AUTS2: variants seen among roughly 807,000 people sequenced by gnomAD.
AUTS2 encodes the protein autism susceptibility gene 2 protein.
Under a neutral mutation model 112.4 loss-of-function variants are expected in AUTS2, and 17 were observed. The ratio of observed to expected loss-of-function variants is 0.15; its 90% CI spans 0.10 to 0.23. The LOEUF (loss-of-function observed/expected upper bound fraction) is 0.23, where lower values mean the gene tolerates loss of function less well. Among genes scored for constraint, AUTS2 ranks in the 10% least tolerant of loss-of-function variants. AUTS2 has a pLI of 1.00. For missense variants in AUTS2, 1,510 were observed against 1,701.6 expected, an observed-to-expected ratio of 0.89 and a Z score of 1.98; for synonymous variants, 751 against 702.7, an observed-to-expected ratio of 1.07 and a Z score of -1.09.
chr7:69,753,554 A>G (rs1787828502), intron 1 of AUTS2, among the ~76,000 whole-genome samples: 1 of 152,104 alleles, frequency 6.6e-6, no homozygotes, highest in African/African-American at 2.4e-5. Context: ...GTCTTCCTGA[A>G]GTTTCCTGTC....
intron 1 of AUTS2, among the ~76,000 whole-genome samples, chr7:69,699,351 T>A (rs1797700354): frequency 6.6e-6 from 1 of 152,172 alleles, no homozygotes; most frequent in South Asian, 2.1e-4. Flanking sequence ...ACATCTTTTG[T>A]AATTTCTTAA....
intron 1 of AUTS2, among the ~76,000 whole-genome samples, chr7:69,609,497 T>G (rs1169859699): frequency 6.6e-6 from 1 of 152,178 alleles, no homozygotes; most frequent in Non-Finnish European, 1.5e-5. Flanking sequence ...AATATTAGGG[T>G]GGTTTCTCAT....
chr7:70,626,486 A>G (rs553299324), intron 5 of AUTS2, among the ~76,000 whole-genome samples: 1 of 152,064 alleles, frequency 6.6e-6, no homozygotes, highest in East Asian at 1.9e-4. Context: ...ACAATGAAAT[A>G]TATTTTTTAA....
At chr7:69,601,301 T>G (rs1792393120) in intron 1 of AUTS2, among the ~76,000 whole-genome samples, 1 of 152,180 alleles carries the variant, frequency 6.6e-6, no homozygotes, top group South Asian at 2.1e-4. Context: ...TTCCATTTTT[T>G]TTTTTGCGTT....
chr7:70,071,213 G>A lies in AUTS2; in HGVS notation c.523-46919G>A, dbSNP rs138173002. ...AATTCTGACTAGAAGCTCTCCCAGG[G>A]TCATCATATGAATGAGTAACTTACT... On this transcript the variant is annotated intron_variant, in intron 2 of 18. Transcript: ENST00000342771. Among the ~76,000 whole-genome samples the A allele has an allele frequency of 1.7e-4, 26 of 152,242 alleles. No individual in the cohort carries two copies. The East Asian group carries it at 4.1e-3, about 24-fold the overall frequency.
At chr7:70,344,960 A>G (rs1015857751) in intron 4 of AUTS2, among the ~76,000 whole-genome samples, 1 of 152,176 alleles carries the variant, frequency 6.6e-6, no homozygotes, top group Non-Finnish European at 1.5e-5. Flanking sequence ...TACTTGTCTC[A>G]GATAAGTAGA....
rs570961427 is a variant in AUTS2, at chr7:70,118,038, G to A, written c.523-94G>A. 5.8e-5 allele frequency: 82 copies of A among 1,412,166 alleles called. No individual in the cohort carries two copies. In the African/African-American group the frequency reaches 6.5e-4, roughly 11 times the overall value. 87.5% of individuals were successfully genotyped at this position (1,412,166 alleles called of 1,614,324 possible). A position where few individuals can be genotyped will look rare whatever the true frequency, so the allele number is the denominator to read the frequency against. On this transcript the variant is annotated intron_variant, in intron 2 of 18. Coordinates refer to ENST00000342771, the MANE Select transcript of AUTS2 (RefSeq NM_015570.4). ...GCTGGGATTACAGGCGTGAGCCACC[G>A]TGCCTGGCTGTTCACTCTTGACAAG... is the stretch of plus-strand genomic sequence containing the variant.
At chr7:69,820,268 A>G (rs1016731700) in intron 1 of AUTS2, among the ~76,000 whole-genome samples, 49 of 152,358 alleles carry the variant, frequency 3.2e-4, no homozygotes, top group African/African-American at 1.1e-3. Context: ...GCTTTGTGAA[A>G]TACAAAATAA....
intron 4 of AUTS2, chr7:70,290,334 T>G: frequency 6.8e-7 from 1 of 1,463,044 alleles, no homozygotes; most frequent in Non-Finnish European, 9.0e-7. Context: ...AACATTCTTT[T>G]GAATCATTTG....
At chr7:70,360,536 A>G (rs551493779) in intron 4 of AUTS2, among the ~76,000 whole-genome samples, 2 of 152,200 alleles carry the variant, frequency 1.3e-5, no homozygotes, top group Non-Finnish European at 2.9e-5. Flanking sequence ...ACACACTAGA[A>G]GACAACAATA....
In AUTS2 at chr7:69,926,453, A is replaced by G. The variant is rs867665090; in HGVS notation, c.522+26955A>G. Among the ~76,000 whole-genome samples, 647 of 104,018 alleles carry G rather than the reference A, an allele frequency of 6.2e-3. 1 individual carries two copies. The highest frequency in any genetic ancestry group is 9.7e-3 in the Non-Finnish European group (460 of 47,376). The allele number at this position is 104,018 out of a possible 152,430, so 68.2% of individuals were successfully genotyped here. A position where few individuals can be genotyped will look rare whatever the true frequency, so the allele number is the denominator to read the frequency against. On this transcript the variant is annotated intron_variant, in intron 2 of 18. Coordinates refer to ENST00000342771, the MANE Select transcript of AUTS2 (RefSeq NM_015570.4). ...TATCTGTCTGTCTGTCTGTCTATCT[A>G]TCTATCTATCTATCTATCTATCTAT...
intron 5 of AUTS2, among the ~76,000 whole-genome samples, chr7:70,591,056 G>A (rs1474544311): frequency 6.6e-6 from 1 of 152,146 alleles, no homozygotes; most frequent in Non-Finnish European, 1.5e-5. Flanking sequence ...AAAGTGCTTG[G>A]AACTAAGACA....
At chr7:69,761,319 C>G (rs1047700851) in intron 1 of AUTS2, among the ~76,000 whole-genome samples, 1 of 152,198 alleles carries the variant, frequency 6.6e-6, no homozygotes, top group Non-Finnish European at 1.5e-5. Flanking sequence ...CATCCACTAA[C>G]TTTGTCAGAT....
intron 5 of AUTS2, among the ~76,000 whole-genome samples, chr7:70,534,788 A>C (rs535131242): frequency 1.3e-5 from 2 of 152,106 alleles, no homozygotes; most frequent in Middle Eastern, 3.2e-3. Context: ...ACCTGTGAAC[A>C]CTCAGCACAG....
At chr7:70,542,440 G>GT (rs1484285664) in intron 5 of AUTS2, among the ~76,000 whole-genome samples, 1 of 152,120 alleles carries the variant, frequency 6.6e-6, no homozygotes, top group Non-Finnish European at 1.5e-5. Flanking sequence ...ACTACACAAG[G>GT]TTTTTTTAAG....
intron 6 of AUTS2, among the ~76,000 whole-genome samples, chr7:70,753,239 G>C (rs1585628894): frequency 6.6e-6 from 1 of 152,104 alleles, no homozygotes; most frequent in East Asian, 1.9e-4. Flanking sequence ...TGGGCTGCTG[G>C]TGTTTTGGCA....
At chr7:70,459,517 C>T (rs961315046) in intron 5 of AUTS2, among the ~76,000 whole-genome samples, 2 of 152,182 alleles carry the variant, frequency 1.3e-5, no homozygotes, top group African/African-American at 4.8e-5. Context: ...GTGTGAGCCC[C>T]AGCTCTTTTA....
chr7:70,680,259 GATCAT>G (rs1197789089), intron 5 of AUTS2, among the ~76,000 whole-genome samples: 3 of 152,186 alleles, frequency 2.0e-5, no homozygotes, highest in Admixed American at 2.0e-4. Context: ...TTAGGTACCA[GATCAT>G]AAAGAATCAC....
intron 1 of AUTS2, among the ~76,000 whole-genome samples, chr7:69,715,161 A>G (rs1204477102): frequency 1.3e-5 from 2 of 151,706 alleles, no homozygotes; most frequent in African/African-American, 4.8e-5. Context: ...TTTAACAGAA[A>G]TAAATAACTT....
Sources: gnomAD v4.1 joint callset for allele counts (sites outside exome capture counted in the v4.1 genomes callset) on GRCh38, gnomAD v4.1.1 for gene constraint, MANE v1.5 for transcripts, NCBI Gene and HGNC (gene_info 2026-07-23, HGNC 2026-07-21) for gene names.